Variants in ABI3BP observed in about 807,000 individuals in gnomAD.
The protein encoded by ABI3BP is ABI family member 3 binding protein.
Under a neutral mutation model 268.6 loss-of-function variants are expected in ABI3BP, and 216 were observed. The observed-to-expected ratio is 0.80, with a 90% CI of 0.72 to 0.90. The LOEUF (loss-of-function observed/expected upper bound fraction) is 0.90, where lower values mean the gene tolerates loss of function less well. ABI3BP is among the 40% of genes least tolerant of loss of function. The pLI is 0.00. For missense variants in ABI3BP, 2,090 were observed against 2,182.4 expected (o/e 0.96, Z 0.84); for synonymous variants, 730 against 730.0 (o/e 1.00, Z 0.00).
intron 51 of ABI3BP, among the ~76,000 whole-genome samples, chr3:100,798,522 T>G (rs892323573): frequency 3.3e-5 from 5 of 151,966 alleles, no homozygotes; most frequent in African/African-American, 1.2e-4. Flanking sequence ...GACAATTTTC[T>G]GAGAAAGCAG....
At chr3:100,828,558 G>C in intron 33 of ABI3BP, 106 bp from the exon 34 acceptor site, 1 of 1,011,956 alleles carries the variant, frequency 9.9e-7, no homozygotes, top group Non-Finnish European at 1.4e-6. Flanking sequence ...TCTGTCCAGA[G>C]CACGAAGCAA....
Position 100,814,438 on chromosome 3 carries a change from A to G in ABI3BP, c.3290-703T>C, listed in dbSNP as rs181544519. Among the ~76,000 whole-genome samples the G allele has an allele frequency of 4.9e-3, 748 of 151,898 alleles. 5 individuals carry two copies. Among genetic ancestry groups the G allele is most frequent in the Non-Finnish European group, 7.7e-3 (520 of 67,876 alleles). ...TACTTGTTTTATTTGTGCTGTTCCC[A>G]CCCTTCCACCCTCTAATCCAAATCC... is the stretch of plus-strand genomic sequence containing the variant. On this transcript the variant is annotated intron_variant, in intron 44 of 67. Transcript: ENST00000471714.
chr3:100,898,080 A>G (rs1054406919), intron 4 of ABI3BP, among the ~76,000 whole-genome samples: 2 of 152,254 alleles, frequency 1.3e-5, no homozygotes, highest in Non-Finnish European at 2.9e-5. Context: ...GATAAATAGC[A>G]GTAGTTTAAA....
At chr3:100,851,768 G>T in intron 15 of ABI3BP, 107 bp downstream of exon 15, 1 of 906,104 alleles carries the variant, frequency 1.1e-6, no homozygotes, top group Non-Finnish European at 1.7e-6. Flanking sequence ...TTTCTCCCAT[G>T]CAGAGCTCCA....
intron 54 of ABI3BP, among the ~76,000 whole-genome samples, chr3:100,794,027 TG>T (rs1218365186): frequency 6.6e-6 from 1 of 152,068 alleles, no homozygotes; most frequent in Non-Finnish European, 1.5e-5. Flanking sequence ...TGTCATTCCT[TG>T]CCCTGTGCCT....
chr3:100,935,341 C>T (rs1261435585), intron 1 of ABI3BP, among the ~76,000 whole-genome samples: 1 of 152,074 alleles, frequency 6.6e-6, no homozygotes, highest in Non-Finnish European at 1.5e-5. Flanking sequence ...GTCTATATAT[C>T]TGTTTTGGTA....
At chr3:100,985,415 C>T (rs560261588) in intron 1 of ABI3BP, among the ~76,000 whole-genome samples, 1 of 152,200 alleles carries the variant, frequency 6.6e-6, no homozygotes, top group South Asian at 2.1e-4. Flanking sequence ...TCCCAAAGTG[C>T]TGGGATTACA....
chr3:100,850,208 G>T, intron 16 of ABI3BP, 89 bp from the exon 17 acceptor site: 3 of 1,128,614 alleles, frequency 2.7e-6, no homozygotes, highest in South Asian at 1.4e-5. Context: ...ATGGTATAAA[G>T]CACATGCCAC....
chr3:100,878,713 G>T (rs1445604860), intron 6 of ABI3BP, among the ~76,000 whole-genome samples: 1 of 152,092 alleles, frequency 6.6e-6, no homozygotes, highest in Non-Finnish European at 1.5e-5. Flanking sequence ...GGGGAGAAAA[G>T]TTAGGCCCAC....
intron 59 of ABI3BP, 70 bp downstream of exon 59, chr3:100,778,214 C>G: frequency 1.4e-6 from 2 of 1,480,598 alleles, no homozygotes; most frequent in Admixed American, 3.4e-5. Flanking sequence ...GCTAGCACGC[C>G]AAGAAGAGCT....
Position 100,902,566 on chromosome 3 carries a change from G to T in ABI3BP, c.328+52C>A, listed in dbSNP as rs1162245884. 13 of 1,559,944 alleles carry T rather than the reference G, an allele frequency of 8.3e-6. No individual in the cohort carries two copies. In the African/African-American group the frequency reaches 1.6e-4, roughly 20 times the overall value. On this transcript the variant is annotated intron_variant, in intron 3 of 67. Coordinates refer to ENST00000471714, the MANE Select transcript of ABI3BP (RefSeq NM_001375547.2). ...TCCAGGGGTCCAAAAGAGATGAAAA[G>T]TCATGGTTCAAAGTTCATAAAAGAA...
chr3:100,907,241 C>T (rs555184316), intron 2 of ABI3BP, among the ~76,000 whole-genome samples: 37 of 152,326 alleles, frequency 2.4e-4, no homozygotes, highest in South Asian at 6.2e-4. Flanking sequence ...AGCCTGTAAT[C>T]CCAGCACTTT....
chr3:100,825,358 G>C (rs116389871), intron 35 of ABI3BP, among the ~76,000 whole-genome samples: 1,704 of 144,626 alleles, frequency 0.012, 41 homozygotes, highest in African/African-American at 0.042. Flanking sequence ...CACTAATAAA[G>C]AAAGAAACAT....
intron 61 of ABI3BP, among the ~76,000 whole-genome samples, chr3:100,773,162 T>C (rs1221984521): frequency 1.3e-5 from 2 of 151,390 alleles, no homozygotes; most frequent in East Asian, 1.9e-4. Flanking sequence ...CTACTAAAAA[T>C]TGATACACCG....
chr3:100,841,275 A>G (rs1292361501), intron 21 of ABI3BP, among the ~76,000 whole-genome samples: 1 of 84,498 alleles, frequency 1.2e-5, no homozygotes, highest in African/African-American at 4.7e-5. Context: ...TGGTTTTTCT[A>G]TTTCTCTCTT....
chr3:100,900,148 G>T (rs2049546982), intron 3 of ABI3BP, among the ~76,000 whole-genome samples: 1 of 152,202 alleles, frequency 6.6e-6, no homozygotes, highest in South Asian at 2.1e-4. Flanking sequence ...CATTTACATG[G>T]TTGGAAACAC....
chr3:100,771,217 C>T (rs1046053399), intron 61 of ABI3BP, among the ~76,000 whole-genome samples: 2 of 152,124 alleles, frequency 1.3e-5, no homozygotes, highest in Admixed American at 6.5e-5. Context: ...ATAGTTTAAA[C>T]TTCATACTTT....
intron 2 of ABI3BP, among the ~76,000 whole-genome samples, chr3:100,904,605 T>G (rs1169850739): frequency 6.6e-6 from 1 of 152,176 alleles, no homozygotes; most frequent in East Asian, 1.9e-4. Context: ...GTACTTTCCA[T>G]GTGAACCAGA....
intron 60 of ABI3BP, 137 bp from the exon 61 acceptor site, chr3:100,774,810 TATTC>T: frequency 4.3e-6 from 3 of 702,820 alleles, no homozygotes; most frequent in Non-Finnish European, 6.9e-6. Flanking sequence ...AAATTATACA[TATTC>T]ATCCACAATA....
Sources: allele counts gnomAD v4.1 joint callset (sites outside exome capture counted in the v4.1 genomes callset), GRCh38; gene constraint gnomAD v4.1.1; transcripts MANE v1.5; gene names NCBI Gene and HGNC (gene_info 2026-07-23, HGNC 2026-07-21).